The following SRSF12 variants were observed in gnomAD, a reference collection of about 807,000 sequenced individuals.
The protein encoded by SRSF12 is serine and arginine rich splicing factor 12, also known as serine/arginine-rich splicing factor 12.
SRSF12 carries 21 observed loss-of-function variants against 34.1 expected under a neutral mutation model. The observed-to-expected ratio is 0.62, with a 90% confidence interval of 0.44 to 0.89. The LOEUF (loss-of-function observed/expected upper bound fraction) is 0.89, where lower values mean the gene tolerates loss of function less well. Among genes scored for constraint, SRSF12 ranks in the 40% least tolerant of loss-of-function variants. The pLI is 0.00. For synonymous variants in SRSF12, 111 were observed against 110.8 expected (o/e 1.00, Z -0.01); for missense variants, 278 against 327.8 (o/e 0.85, Z 1.17).
At chr6:89,113,934 T>A (rs993278636) in intron 1 of SRSF12, among the ~76,000 whole-genome samples, 5 of 152,218 alleles carry the variant, frequency 3.3e-5, no homozygotes, top group Admixed American at 3.3e-4. Context: ...TGAGCCACTG[T>A]GCCCTATCTT....
intron 4 of SRSF12, among the ~76,000 whole-genome samples, 182 bp from the exon 5 acceptor site, chr6:89,099,129 T>C (rs1413194619): frequency 6.6e-6 from 1 of 152,076 alleles, no homozygotes; most frequent in East Asian, 1.9e-4. Context: ...GTTTGTAATA[T>C]TTGTTATACT....
intron 4 of SRSF12, among the ~76,000 whole-genome samples, chr6:89,104,162 G>A (rs560994390): frequency 6.8e-6 from 1 of 145,992 alleles, no homozygotes; most frequent in East Asian, 2.0e-4. Context: ...CATTTTTAAA[G>A]TTGAAGATTA....
intron 1 of SRSF12, among the ~76,000 whole-genome samples, chr6:89,117,351 G>A (rs956243513): frequency 6.6e-6 from 1 of 152,236 alleles, no homozygotes; most frequent in Admixed American, 6.5e-5. Context: ...TAAGGCCCGA[G>A]TACGCATTAT....
At chr6:89,106,297 G>C (rs1768783396) in intron 2 of SRSF12, among the ~76,000 whole-genome samples, 1 of 151,882 alleles carries the variant, frequency 6.6e-6, no homozygotes, top group Non-Finnish European at 1.5e-5. Context: ...ATTTTTAGTA[G>C]ACACGGGGTT....
Position 89,118,002 on chromosome 6 carries a change from C to T in SRSF12, c.-115G>A, listed in dbSNP as rs1431428759. 2.3e-5 allele frequency: 27 copies of T among 1,155,250 alleles called. No homozygotes were observed. Among genetic ancestry groups the T allele is most frequent in the Middle Eastern group, 2.7e-4 (1 of 3,746 alleles). 71.6% of individuals were successfully genotyped at this position (1,155,250 alleles called of 1,614,324 possible). ...CCGGCCCCCGGCGCGACCCCCACCC[C>T]TCGGCCTCAGCCCCGCCAGCGCGCA... On this transcript the variant is annotated 5_prime_UTR_variant, in exon 1 of 5. Coordinates refer to ENST00000452027, the MANE Select transcript of SRSF12 (RefSeq NM_080743.5).
At chr6:89,109,006 TTTAC>T (rs1768920908) in intron 1 of SRSF12, among the ~76,000 whole-genome samples, 1 of 152,222 alleles carries the variant, frequency 6.6e-6, no homozygotes. Context: ...TCTTTTTTCT[TTTAC>T]TTATTCAGAA....
intron 1 of SRSF12, 55 bp downstream of exon 1, chr6:89,117,768 C>G: frequency 6.7e-7 from 1 of 1,495,918 alleles, no homozygotes; most frequent in South Asian, 1.3e-5. Flanking sequence ...CTCCGCGGCG[C>G]GGCTGTTACC....
intron 4 of SRSF12, among the ~76,000 whole-genome samples, chr6:89,103,486 A>G (rs1052912591): frequency 3.3e-5 from 5 of 152,058 alleles, no homozygotes; most frequent in Non-Finnish European, 7.4e-5. Context: ...GTGCCACCAC[A>G]CCCACCTAAT....
At chr6:89,110,090 C>CAA (rs139025607) in intron 1 of SRSF12, among the ~76,000 whole-genome samples, 8 of 145,592 alleles carry the variant, frequency 5.5e-5, no homozygotes, top group African/African-American at 1.8e-4. Flanking sequence ...GACTCTGTCT[C>CAA]AAAAAAAAAA....
chr6:89,107,460 T>G (rs111735892), intron 1 of SRSF12, among the ~76,000 whole-genome samples: 1 of 152,298 alleles, frequency 6.6e-6, no homozygotes, highest in African/African-American at 2.4e-5. Flanking sequence ...CCAGGTGTGG[T>G]GGCTCACACC....
chr6:89,099,402 C>CA lies in SRSF12; in HGVS notation c.417-456_417-455insT, dbSNP rs1562191680. Among the ~76,000 whole-genome samples the CA allele has an allele frequency of 5.3e-3, 619 of 117,510 alleles. 9 individuals are homozygous for CA. The highest frequency in any genetic ancestry group is 0.023 in the African/African-American group (587 of 25,890). The allele number at this position is 117,510 out of a possible 152,430, so 77.1% of individuals were successfully genotyped here. A position where few individuals can be genotyped will look rare whatever the true frequency, so the allele number is the denominator to read the frequency against. On this transcript the variant is annotated intron_variant, in intron 4 of 4. Transcript: ENST00000452027. ...AGAAAACAGCTCTCTCTCTCTCTCT[C>CA]CATATATATATACATATATATATGT...
intron 1 of SRSF12, among the ~76,000 whole-genome samples, chr6:89,113,786 G>A (rs1402556896): frequency 6.6e-6 from 1 of 152,062 alleles, no homozygotes; most frequent in South Asian, 2.1e-4. Flanking sequence ...TGAACTACAG[G>A]TGCGCACTAC....
chr6:89,104,223 CTTT>C (rs138798211), intron 4 of SRSF12, among the ~76,000 whole-genome samples: 74 of 123,482 alleles, frequency 6.0e-4, no homozygotes, highest in South Asian at 1.0e-3. Flanking sequence ...AACTCATCAC[CTTT>C]TTTTTTTTTT....
chr6:89,113,021 T>C (rs1348134055), intron 1 of SRSF12, among the ~76,000 whole-genome samples: 3 of 152,208 alleles, frequency 2.0e-5, no homozygotes, highest in African/African-American at 7.2e-5. Flanking sequence ...GGTGTGTAGC[T>C]GGCTTTACTG....
intron 4 of SRSF12, among the ~76,000 whole-genome samples, chr6:89,102,553 A>G (rs752383697): frequency 7.9e-5 from 12 of 152,218 alleles, no homozygotes; most frequent in Admixed American, 7.8e-4. Context: ...AGCTGTAGGA[A>G]GCAAAATGAA....
At chr6:89,106,923 T>C (rs1173500365) in intron 2 of SRSF12, 4 of 556,142 alleles carry the variant, frequency 7.2e-6, no homozygotes, top group African/African-American at 3.7e-5. Context: ...GCTTGAACTT[T>C]AGGTGCCTTT....
chr6:89,116,318 G>A (rs983052550), intron 1 of SRSF12, among the ~76,000 whole-genome samples: 1 of 152,072 alleles, frequency 6.6e-6, no homozygotes, highest in Non-Finnish European at 1.5e-5. Flanking sequence ...CAACTGCAAG[G>A]TTTTTTAATT....
chr6:89,114,291 G>A (rs1240005595), intron 1 of SRSF12, among the ~76,000 whole-genome samples: 1 of 152,136 alleles, frequency 6.6e-6, no homozygotes, highest in Non-Finnish European at 1.5e-5. Context: ...AGCCAGGCAT[G>A]GTGGCACACA....
chr6:89,102,592 A>T (rs952207766), intron 4 of SRSF12, among the ~76,000 whole-genome samples: 4 of 152,224 alleles, frequency 2.6e-5, no homozygotes, highest in African/African-American at 9.6e-5. Context: ...AAATCCTAAC[A>T]TAGTAAAAGA....
Sources: gnomAD v4.1 joint callset for allele counts (sites outside exome capture counted in the v4.1 genomes callset) on GRCh38, gnomAD v4.1.1 for gene constraint, MANE v1.5 for transcripts, NCBI Gene and HGNC (gene_info 2026-07-23, HGNC 2026-07-21) for gene names.